The following FRAS1 variants were observed in gnomAD, a reference collection of about 807,000 sequenced individuals.
FRAS1 encodes Fraser extracellular matrix complex subunit 1.
In FRAS1, 290 loss-of-function variants were observed where a neutral mutation model predicts 435.2. The observed-to-expected ratio is 0.67, with a 90% CI of 0.61 to 0.73. The LOEUF (loss-of-function observed/expected upper bound fraction) is 0.73. Among genes scored for constraint, FRAS1 ranks in the 30% least tolerant of loss-of-function variants. The pLI is 0.00. For missense variants in FRAS1, 4,860 were observed against 5,001.5 expected (o/e 0.97, Z 0.85); for synonymous variants, 1,800 against 1,851.0 (o/e 0.97, Z 0.71).
intron 2 of FRAS1, among the ~76,000 whole-genome samples, chr4:78,219,377 A>C (rs1723946135): frequency 6.6e-6 from 1 of 152,212 alleles, no homozygotes; most frequent in Admixed American, 6.5e-5. Context: ...TAAGACAACA[A>C]AAAATGTATT....
chr4:78,295,861 T>C (rs999855964), intron 14 of FRAS1, among the ~76,000 whole-genome samples: 3 of 151,908 alleles, frequency 2.0e-5, no homozygotes, highest in Non-Finnish European at 4.4e-5. Context: ...TTCTCCTGCC[T>C]CAGCCTTCTG....
intron 2 of FRAS1, among the ~76,000 whole-genome samples, chr4:78,230,776 A>G (rs973686501): frequency 2.0e-5 from 3 of 152,172 alleles, no homozygotes; most frequent in Admixed American, 2.0e-4. Context: ...GAGTACAAGA[A>G]GGTTTGGGGA....
chr4:78,084,865 C>T (rs1184926055), intron 2 of FRAS1, among the ~76,000 whole-genome samples: 2 of 152,150 alleles, frequency 1.3e-5, no homozygotes, highest in African/African-American at 4.8e-5. Flanking sequence ...TACATATTTC[C>T]TTTTAAAGAG....
chr4:78,285,571 T>C (rs1727549473), intron 13 of FRAS1, among the ~76,000 whole-genome samples: 1 of 151,692 alleles, frequency 6.6e-6, no homozygotes, highest in South Asian at 2.1e-4. Flanking sequence ...TAGCTGAGAT[T>C]ACAGGCATCT....
chr4:78,413,202 T>G (rs1376785974), intron 32 of FRAS1, 117 bp downstream of exon 32: 12 of 552,556 alleles, frequency 2.2e-5, no homozygotes, highest in African/African-American at 5.9e-5. Context: ...GATCACAGAC[T>G]TGGGGGCCAA....
intron 17 of FRAS1, 71 bp from the exon 18 acceptor site, chr4:78,318,739 T>A: frequency 6.9e-7 from 1 of 1,442,666 alleles, no homozygotes; most frequent in South Asian, 1.5e-5. Context: ...TAAGTGGGTT[T>A]GATTTAATGA....
chr4:78,416,796 G>A (rs1447350839), intron 32 of FRAS1, among the ~76,000 whole-genome samples: 2 of 152,146 alleles, frequency 1.3e-5, no homozygotes, highest in African/African-American at 2.4e-5. Context: ...GGATCACACT[G>A]GCTGTTGTGC....
At chr4:78,132,313 G>A (rs1243511195) in intron 2 of FRAS1, among the ~76,000 whole-genome samples, 2 of 152,128 alleles carry the variant, frequency 1.3e-5, no homozygotes, top group Non-Finnish European at 2.9e-5. Context: ...CAAGGAATCA[G>A]GTCATTGTTT....
chr4:78,388,341 A>C (rs1471406868), intron 29 of FRAS1, among the ~76,000 whole-genome samples: 2 of 151,832 alleles, frequency 1.3e-5, no homozygotes, highest in East Asian at 1.9e-4. Context: ...CAAAAAAAAA[A>C]AAAAACAAAA....
intron 9 of FRAS1, among the ~76,000 whole-genome samples, chr4:78,275,812 G>A (rs1726985413): frequency 6.6e-6 from 1 of 152,108 alleles, no homozygotes; most frequent in Non-Finnish European, 1.5e-5. Flanking sequence ...CTCTTCTTGA[G>A]GAGTATCTTT....
At chr4:78,467,117 C>T (rs1470252272) in intron 50 of FRAS1, among the ~76,000 whole-genome samples, 1 of 152,072 alleles carries the variant, frequency 6.6e-6, no homozygotes. Flanking sequence ...TTTTAAAATG[C>T]ACAATTAAAT....
chr4:78,243,970 T>C (rs1390432678), intron 3 of FRAS1, among the ~76,000 whole-genome samples: 1 of 152,096 alleles, frequency 6.6e-6, no homozygotes, highest in Non-Finnish European at 1.5e-5. Context: ...ACAAGTGTAG[T>C]TTTATCTTGG....
intron 2 of FRAS1, among the ~76,000 whole-genome samples, chr4:78,229,306 GTT>G (rs751704490): frequency 7.5e-6 from 1 of 133,670 alleles, no homozygotes. Context: ...CTTTGTCCTT[GTT>G]TTTTTTTTTT....
intron 37 of FRAS1, 46 bp downstream of exon 37, chr4:78,430,463 T>A (rs768387931): frequency 1.3e-6 from 2 of 1,582,410 alleles, no homozygotes; most frequent in East Asian, 2.3e-5. Context: ...CTTGGAGGAT[T>A]TTTTGCTCTA....
chr4:78,444,842 G>C (rs1718741686), intron 41 of FRAS1, among the ~76,000 whole-genome samples: 1 of 152,124 alleles, frequency 6.6e-6, no homozygotes, highest in Admixed American at 6.5e-5. Flanking sequence ...AAGCGCCTCA[G>C]TGCCTGAATC....
intron 20 of FRAS1, among the ~76,000 whole-genome samples, chr4:78,341,381 G>A (rs985513406): frequency 1.3e-5 from 2 of 152,130 alleles, no homozygotes; most frequent in African/African-American, 4.8e-5. Context: ...GAAGTGTCGC[G>A]ACTGCATTTC....
At chr4:78,521,410 T>C in intron 67 of FRAS1, 113 bp from the exon 68 acceptor site, 1 of 654,146 alleles carries the variant, frequency 1.5e-6, no homozygotes, top group Non-Finnish European at 2.7e-6. Flanking sequence ...TCTTGTTACA[T>C]TCAAATAAAT....
intron 10 of FRAS1, among the ~76,000 whole-genome samples, chr4:78,281,158 T>C (rs190238231): frequency 8.0e-4 from 122 of 152,322 alleles, no homozygotes; most frequent in Middle Eastern, 3.4e-3. Context: ...TTGAGGGGAA[T>C]TGAAACCAAG....
chr4:78,355,680 T>G (rs1167292378), intron 20 of FRAS1, among the ~76,000 whole-genome samples: 2 of 152,166 alleles, frequency 1.3e-5, no homozygotes, highest in Non-Finnish European at 2.9e-5. Context: ...TTCAATTCCC[T>G]TATTTTAGTA....
Sources: allele counts gnomAD v4.1 joint callset (sites outside exome capture counted in the v4.1 genomes callset), GRCh38; gene constraint gnomAD v4.1.1; transcripts MANE v1.5; gene names NCBI Gene and HGNC (gene_info 2026-07-23, HGNC 2026-07-21).